The following DPP10 variants were observed in gnomAD, a reference collection of about 807,000 sequenced individuals.
The protein encoded by DPP10 is dipeptidyl peptidase like 10, also known as inactive dipeptidyl peptidase 10.
A neutral mutation model predicts 120.9 loss-of-function variants in DPP10; 33 were observed. The ratio of observed to expected loss-of-function variants is 0.27; its 90% CI spans 0.21 to 0.37. The LOEUF (loss-of-function observed/expected upper bound fraction) is 0.37. Among genes scored for constraint, DPP10 ranks in the 10% least tolerant of loss-of-function variants. DPP10 has a pLI of 1.00. For synonymous variants in DPP10, 337 were observed against 326.1 expected, an observed-to-expected ratio of 1.03 and a Z score of -0.36; for missense variants, 816 against 942.8, an observed-to-expected ratio of 0.87 and a Z score of 1.76.
intron 1 of DPP10, among the ~76,000 whole-genome samples, chr2:114,673,668 C>G (rs1038524413): frequency 6.6e-6 from 1 of 152,048 alleles, no homozygotes; most frequent in Non-Finnish European, 1.5e-5. Flanking sequence ...GTTGGCCAGG[C>G]TGGTCTCAAA....
At chr2:114,977,829 A>G (rs1699847159) in intron 1 of DPP10, among the ~76,000 whole-genome samples, 1 of 150,504 alleles carries the variant, frequency 6.6e-6, no homozygotes. Flanking sequence ...GTTGTACCCA[A>G]TTCCAGAATT....
chr2:114,961,154 C>G (rs1304292113), intron 1 of DPP10, among the ~76,000 whole-genome samples: 1 of 137,566 alleles, frequency 7.3e-6, no homozygotes, highest in Non-Finnish European at 1.5e-5. Context: ...CGGGTTCAAG[C>G]AGCAATTCTT....
intron 1 of DPP10, among the ~76,000 whole-genome samples, chr2:114,793,598 T>G (rs914338552): frequency 6.6e-6 from 1 of 152,192 alleles, no homozygotes; most frequent in Non-Finnish European, 1.5e-5. Context: ...AAACAGAAAA[T>G]TCCTCTGCCA....
intron 1 of DPP10, among the ~76,000 whole-genome samples, chr2:115,070,035 C>T (rs1707243753): frequency 6.6e-6 from 1 of 151,890 alleles, no homozygotes; most frequent in Non-Finnish European, 1.5e-5. Flanking sequence ...ACTTAATAAC[C>T]TGGAATGCTA....
At chr2:115,300,637 G>T (rs1362814792) in intron 1 of DPP10, among the ~76,000 whole-genome samples, 1 of 151,896 alleles carries the variant, frequency 6.6e-6, no homozygotes, top group Non-Finnish European at 1.5e-5. Flanking sequence ...TGATAATCCT[G>T]TTTTACTGTT....
intron 1 of DPP10, among the ~76,000 whole-genome samples, chr2:115,059,937 T>C (rs187488412): frequency 6.6e-6 from 1 of 152,204 alleles, no homozygotes; most frequent in East Asian, 1.9e-4. Flanking sequence ...ATTTCACTTC[T>C]TTCCAAATTG....
intron 5 of DPP10, among the ~76,000 whole-genome samples, chr2:115,631,260 G>T (rs563846554): frequency 6.6e-6 from 1 of 151,980 alleles, no homozygotes; most frequent in African/African-American, 2.4e-5. Flanking sequence ...TTTAGGGTCT[G>T]TGGTGATATC....
chr2:115,536,510 T>A (rs1318279050), intron 5 of DPP10, among the ~76,000 whole-genome samples: 2 of 152,006 alleles, frequency 1.3e-5, no homozygotes, highest in African/African-American at 2.4e-5. Context: ...GTTAAATTAA[T>A]GAGACTGAAA....
At chr2:114,581,373 T>C (rs977703537) in intron 1 of DPP10, among the ~76,000 whole-genome samples, 1 of 151,832 alleles carries the variant, frequency 6.6e-6, no homozygotes, top group Non-Finnish European at 1.5e-5. Flanking sequence ...TTAGTAGAGA[T>C]GGAGTGTCAC....
intron 1 of DPP10, among the ~76,000 whole-genome samples, chr2:114,912,870 G>C (rs1205959966): frequency 6.6e-6 from 1 of 152,190 alleles, no homozygotes. Flanking sequence ...TGTAGCCTGT[G>C]TAGAGCCCAA....
chr2:115,446,114 G>A (rs1352314132), intron 3 of DPP10, among the ~76,000 whole-genome samples: 2 of 152,252 alleles, frequency 1.3e-5, no homozygotes, highest in South Asian at 4.1e-4. Context: ...AACTCAGGCT[G>A]TTGCTTCAGA....
At chr2:114,807,500 T>G (rs936667255) in intron 1 of DPP10, among the ~76,000 whole-genome samples, 17 of 152,238 alleles carry the variant, frequency 1.1e-4, no homozygotes, top group Admixed American at 3.3e-4. Context: ...TAGAACTTAC[T>G]TCTATGTAAC....
chr2:114,775,300 G>A (rs1243526487), intron 1 of DPP10, among the ~76,000 whole-genome samples: 2 of 152,136 alleles, frequency 1.3e-5, no homozygotes, highest in Admixed American at 6.5e-5. Flanking sequence ...TACCTCCAGA[G>A]TGCAAGTCGT....
intron 1 of DPP10, among the ~76,000 whole-genome samples, chr2:115,201,725 C>A (rs2055739054): frequency 1.3e-5 from 2 of 152,164 alleles, no homozygotes; most frequent in African/African-American, 4.8e-5. Flanking sequence ...GACTCCACCT[C>A]CTGCTCTGTA....
intron 2 of DPP10, among the ~76,000 whole-genome samples, chr2:115,329,239 C>A (rs2062556849): frequency 1.3e-5 from 2 of 152,012 alleles, no homozygotes; most frequent in Admixed American, 6.6e-5. Flanking sequence ...TAGTTACTTA[C>A]CCTATGTTGA....
intron 1 of DPP10, among the ~76,000 whole-genome samples, chr2:114,909,504 A>T (rs991285705): frequency 1.3e-5 from 2 of 151,998 alleles, no homozygotes; most frequent in Non-Finnish European, 2.9e-5. Context: ...AAAAATCCAG[A>T]TTCCCTAAAA....
chr2:115,359,812 A>T lies in DPP10; in HGVS notation c.271+15900A>T, dbSNP rs530288818. Among the ~76,000 whole-genome samples, 289 of 152,018 alleles carry T rather than the reference A, an allele frequency of 1.9e-3. 1 individual carries two copies. The highest frequency in any genetic ancestry group is 1.9e-3 in the Non-Finnish European group (129 of 67,956). On this transcript the variant is annotated intron_variant, in intron 3 of 25. Coordinates refer to ENST00000410059, the MANE Select transcript of DPP10 (RefSeq NM_020868.6). ...TTCTTGGAGGTTTTCTTTCTTTAAA[A>T]TTTTTTTTAATTTATATTTGTCTTA...
intron 20 of DPP10, among the ~76,000 whole-genome samples, chr2:115,815,247 C>A (rs965246680): frequency 1.8e-4 from 28 of 152,094 alleles, no homozygotes; most frequent in African/African-American, 6.8e-4. Context: ...AATTATACCA[C>A]TATATTATTT....
At chr2:114,807,169 G>A (rs1338429741) in intron 1 of DPP10, among the ~76,000 whole-genome samples, 1 of 151,900 alleles carries the variant, frequency 6.6e-6, no homozygotes, top group Non-Finnish European at 1.5e-5. Flanking sequence ...ATTATCAATG[G>A]GCTCAATAAA....
Sources: allele counts gnomAD v4.1 joint callset (sites outside exome capture counted in the v4.1 genomes callset), GRCh38; gene constraint gnomAD v4.1.1; transcripts MANE v1.5; gene names NCBI Gene and HGNC (gene_info 2026-07-23, HGNC 2026-07-21).